Variants in CDH12 observed in about 807,000 individuals in gnomAD.
CDH12 encodes cadherin 12.
A neutral mutation model predicts 74.1 loss-of-function variants in CDH12; 41 were observed. The observed-to-expected ratio is 0.55, with a 90% confidence interval of 0.43 to 0.72. The LOEUF is 0.72. CDH12 is among the 30% of genes least tolerant of loss of function. The probability of loss-of-function intolerance (pLI) is 0.00; values close to 1 mark genes in which losing one functional copy is unlikely to be tolerated. For missense variants in CDH12, 945 were observed against 977.2 expected, an observed-to-expected ratio of 0.97 and a Z score of 0.44; for synonymous variants, 399 against 355.0, an observed-to-expected ratio of 1.12 and a Z score of -1.39.
At chr5:22,641,296 T>C (rs1310534977) in intron 1 of CDH12, among the ~76,000 whole-genome samples, 2 of 152,012 alleles carry the variant, frequency 1.3e-5, no homozygotes, top group Non-Finnish European at 2.9e-5. Context: ...TTTGAGGGGG[T>C]ACTAGTGCAA....
chr5:22,337,698 T>C (rs1215672479), intron 3 of CDH12, among the ~76,000 whole-genome samples: 9 of 152,170 alleles, frequency 5.9e-5, no homozygotes, highest in Non-Finnish European at 1.3e-4. Context: ...CTTTTGCAAA[T>C]TGCCCAGTCT....
chr5:22,184,034 T>A (rs1749795642), intron 4 of CDH12, among the ~76,000 whole-genome samples: 1 of 150,928 alleles, frequency 6.6e-6, no homozygotes, highest in African/African-American at 2.5e-5. Context: ...AAAAAAAAAA[T>A]TACAAAGTAT....
chr5:22,093,709 A>G (rs912031632), intron 4 of CDH12, among the ~76,000 whole-genome samples: 13 of 152,174 alleles, frequency 8.5e-5, no homozygotes, highest in Admixed American at 7.9e-4. Context: ...TGGTTGCAAC[A>G]CTATGTGAAT....
chr5:22,259,920 G>A (rs903863620), intron 3 of CDH12, among the ~76,000 whole-genome samples: 1 of 151,880 alleles, frequency 6.6e-6, no homozygotes, highest in East Asian at 1.9e-4. Flanking sequence ...AGACCCTAAA[G>A]GTGAGCAGTG....
At chr5:21,988,356 G>A (rs941845480) in intron 5 of CDH12, among the ~76,000 whole-genome samples, 1 of 151,986 alleles carries the variant, frequency 6.6e-6, no homozygotes, top group Non-Finnish European at 1.5e-5. Flanking sequence ...GCCAGGTGTG[G>A]TGACGGACGC....
intron 2 of CDH12, among the ~76,000 whole-genome samples, chr5:22,435,597 G>A (rs745848967): frequency 7.3e-5 from 11 of 151,376 alleles, no homozygotes; most frequent in Non-Finnish European, 1.6e-4. Flanking sequence ...TTAGTTTATA[G>A]TTTAAAACAA....
chr5:22,522,766 T>C (rs980177517), intron 1 of CDH12, among the ~76,000 whole-genome samples: 1 of 152,202 alleles, frequency 6.6e-6, no homozygotes, highest in Non-Finnish European at 1.5e-5. Context: ...TCTTTCTCAC[T>C]ACCTCCAGAA....
chr5:22,489,056 C>CTTTTTTCTTTTTTTTTTTTTTT (rs1746732596), intron 2 of CDH12, among the ~76,000 whole-genome samples: 1 of 37,314 alleles, frequency 2.7e-5, no homozygotes, highest in Admixed American at 5.9e-4. Flanking sequence ...TTGGTACCAC[C>CTTTTTTCTTTTTTTTTTTTTTT]TTTTTTTTTT....
chr5:22,298,824 T>C lies in CDH12; in HGVS notation c.-332-86181A>G, dbSNP rs896281612. On this transcript the variant is annotated intron_variant, in intron 3 of 14. Transcript: ENST00000382254. ...ATTTCATTCATGTTTCTCTAATAGA[T>C]CAATGCACACTCTTCGGCATATCAA... Among the ~76,000 whole-genome samples, 6 of 152,282 alleles carry C rather than the reference T, an allele frequency of 3.9e-5. No individual in the cohort carries two copies. The South Asian group carries it at 1.2e-3, about 32-fold the overall frequency.
intron 1 of CDH12, among the ~76,000 whole-genome samples, chr5:22,760,075 T>C (rs1281685614): frequency 6.6e-6 from 1 of 152,216 alleles, no homozygotes; most frequent in Non-Finnish European, 1.5e-5. Context: ...TGATTAAATA[T>C]CTGGGATGTG....
At chr5:21,955,477 C>A (rs1215619934) in intron 6 of CDH12, among the ~76,000 whole-genome samples, 1 of 151,800 alleles carries the variant, frequency 6.6e-6, no homozygotes, top group Non-Finnish European at 1.5e-5. Context: ...CTTAAAACAC[C>A]TTTTAAAAAG....
At chr5:22,354,600 C>G (rs933297460) in intron 3 of CDH12, among the ~76,000 whole-genome samples, 1 of 152,100 alleles carries the variant, frequency 6.6e-6, no homozygotes, top group African/African-American at 2.4e-5. Flanking sequence ...CTAGGTCATA[C>G]TGGAGGATCT....
chr5:22,803,928 G>A (rs1409073697), intron 1 of CDH12, among the ~76,000 whole-genome samples: 2 of 151,822 alleles, frequency 1.3e-5, no homozygotes, highest in Non-Finnish European at 2.9e-5. Flanking sequence ...TTTATAAGAT[G>A]TAAATGATTT....
At chr5:22,511,933 T>TTGTG (rs3039486) in intron 1 of CDH12, among the ~76,000 whole-genome samples, 1,984 of 149,292 alleles carry the variant, frequency 0.013, 32 homozygotes, top group African/African-American at 0.043. Context: ...GTAACTATGA[T>TTGTG]TGTGTGTGTG....
At chr5:22,542,097 G>C (rs1384469130) in intron 1 of CDH12, among the ~76,000 whole-genome samples, 1 of 152,172 alleles carries the variant, frequency 6.6e-6, no homozygotes, top group Non-Finnish European at 1.5e-5. Context: ...GCTTTTAAAA[G>C]ATGGTATTTT....
At chr5:22,046,368 G>T (rs999810985) in intron 5 of CDH12, among the ~76,000 whole-genome samples, 9 of 150,024 alleles carry the variant, frequency 6.0e-5, no homozygotes, top group Non-Finnish European at 1.3e-4. Flanking sequence ...TTTCATTCTT[G>T]TCTGGGCAGA....
At chr5:22,729,825 T>C (rs1157104953) in intron 1 of CDH12, among the ~76,000 whole-genome samples, 1 of 151,964 alleles carries the variant, frequency 6.6e-6, no homozygotes, top group Admixed American at 6.6e-5. Context: ...CACTGACTTC[T>C]ATACGGCTCT....
chr5:22,066,498 G>T (rs1468292620), intron 5 of CDH12, among the ~76,000 whole-genome samples: 2 of 152,246 alleles, frequency 1.3e-5, no homozygotes, highest in East Asian at 3.9e-4. Flanking sequence ...GGAGGTCAGC[G>T]GACCAATGAA....
chr5:22,580,386 C>T, intron 1 of CDH12: 1 of 483,780 alleles, frequency 2.1e-6, no homozygotes, highest in Non-Finnish European at 4.3e-6. Flanking sequence ...CACGTGGTCC[C>T]CATCGTAGGG....
Sources: gnomAD v4.1 joint callset for allele counts (sites outside exome capture counted in the v4.1 genomes callset) on GRCh38, gnomAD v4.1.1 for gene constraint, MANE v1.5 for transcripts, NCBI Gene and HGNC (gene_info 2026-07-23, HGNC 2026-07-21) for gene names.